SIN3A: variants seen among roughly 807,000 people sequenced by gnomAD.
SIN3A encodes the protein SIN3 transcription regulator family member A, also known as paired amphipathic helix protein Sin3a.
A neutral mutation model predicts 146.1 loss-of-function variants in SIN3A; 14 were observed. That is an observed-to-expected ratio of 0.10 (90% confidence interval 0.06 to 0.15). The LOEUF (loss-of-function observed/expected upper bound fraction) is 0.15. SIN3A is among the 10% of genes least tolerant of loss of function. The probability of loss-of-function intolerance (pLI) is 1.00; values close to 1 mark genes in which losing one functional copy is unlikely to be tolerated. For synonymous variants in SIN3A, 572 were observed against 572.0 expected (o/e 1.00, Z 0.00); for missense variants, 1,028 against 1,576.0 (o/e 0.65, Z 5.89).
chr15:75,421,892 A>G (rs2073844816), intron 3 of SIN3A: 1 of 152,234 alleles, frequency 6.6e-6, no homozygotes, highest in Non-Finnish European at 1.5e-5. Context: ...TGAATTTCAA[A>G]GCACTGAAAA....
chr15:75,420,811 A>C (rs2073829552), intron 3 of SIN3A: 1 of 152,234 alleles, frequency 6.6e-6, no homozygotes, highest in South Asian at 2.1e-4. Context: ...GAGGTACAAG[A>C]AGCATTTTAC....
intron 5 of SIN3A, among the ~76,000 whole-genome samples, chr15:75,412,288 T>C (rs904516671): frequency 1.3e-5 from 2 of 152,256 alleles, no homozygotes; most frequent in Non-Finnish European, 2.9e-5. Context: ...TAGTGGCTAC[T>C]GTGTCAGACA....
At chr15:75,453,566 C>G (rs1428568513), upstream of SIN3A, 6 of 152,430 alleles carry the variant, frequency 3.9e-5, no homozygotes, top group Admixed American at 3.9e-4. Flanking sequence ...AGGGTACCAC[C>G]TGCGCTAAGA....
intron 19 of SIN3A, chr15:75,376,154 A>C: frequency 2.1e-6 from 1 of 485,044 alleles, no homozygotes. Context: ...AAATTTACAC[A>C]TGTAATTACC....
chr15:75,412,275 G>C (rs1182429827), intron 5 of SIN3A, among the ~76,000 whole-genome samples: 1 of 152,220 alleles, frequency 6.6e-6, no homozygotes, highest in East Asian at 1.9e-4. Context: ...AGTCCTATGT[G>C]GCTAGTGGCT....
At chr15:75,402,631 T>G (rs1375150316) in intron 9 of SIN3A, among the ~76,000 whole-genome samples, 1 of 152,078 alleles carries the variant, frequency 6.6e-6, no homozygotes, top group African/African-American at 2.4e-5. Context: ...AATAAGGAGT[T>G]TTTTTGTTTT....
intron 1 of SIN3A, among the ~76,000 whole-genome samples, chr15:75,442,361 T>TG (rs1250153790): frequency 6.7e-6 from 1 of 149,482 alleles, no homozygotes; most frequent in Non-Finnish European, 1.5e-5. Flanking sequence ...AAAATAGAAA[T>TG]GGGGTCTCAC....
intron 15 of SIN3A, among the ~76,000 whole-genome samples, chr15:75,390,425 G>C (rs1436662527): frequency 6.6e-6 from 1 of 152,216 alleles, no homozygotes; most frequent in Non-Finnish European, 1.5e-5. Context: ...TAAATCATCT[G>C]TAGTTGCTGC....
intron 4 of SIN3A, 38 bp downstream of exon 4, chr15:75,414,167 C>A: frequency 9.5e-7 from 1 of 1,055,178 alleles, no homozygotes; most frequent in Non-Finnish European, 1.4e-6. Flanking sequence ...AATCAATATG[C>A]CAGATACAAA....
rs1401887911 is a variant in SIN3A at position 75,410,282 on chromosome 15, T to C, written c.1013A>G (p.Glu338Gly). 1 of 1,611,752 alleles carries C rather than the reference T, an allele frequency of 6.2e-7. No homozygotes were observed. The highest frequency in any genetic ancestry group is 8.5e-7 in the Non-Finnish European group (1 of 1,179,416). The change falls in exon 7 of 21, where the codon GAG becomes GGG. Residue 338 changes from glutamate to glycine, a missense_variant. Glu to Gly is a moderately conservative substitution (Grantham distance 98). This residue lies in a region of SIN3A where 14 missense variants were observed against 54.4 expected (regional missense o/e 0.26). Transcript: ENST00000394947. ...FLEILHTYQK[E>G]QRNAKEAGGN... Reference sequence around the variant, plus strand: ...TCCAGCTTCCTTGGCATTTCTCTGCTCTTTCTGAGGAATTGCAAATGAAAA... The same window carrying C: ...TCCAGCTTCCTTGGCATTTCTCTGCCCTTTCTGAGGAATTGCAAATGAAAA...
intron 6 of SIN3A, 22 bp from the exon 7 acceptor site, chr15:75,410,308 G>A: frequency 6.2e-7 from 1 of 1,608,844 alleles, no homozygotes; most frequent in Non-Finnish European, 8.5e-7. Context: ...CAAATGAAAA[G>A]AGATCATTTG....
At chr15:75,455,559 G>C (rs1333051354), upstream of SIN3A, 2 of 152,384 alleles carry the variant, frequency 1.3e-5, no homozygotes, top group East Asian at 3.9e-4. Context: ...CCACGGCTCC[G>C]GCCAGGCTGG....
At chr15:75,430,479 G>C in intron 1 of SIN3A, 71 bp from the exon 2 acceptor site, 1 of 1,186,414 alleles carries the variant, frequency 8.4e-7, no homozygotes, top group Non-Finnish European at 1.2e-6. Flanking sequence ...CTTAGGACCA[G>C]TCACCCAAGT....
chr15:75,409,106 C>T (rs902296930), intron 8 of SIN3A, among the ~76,000 whole-genome samples: 2 of 151,690 alleles, frequency 1.3e-5, no homozygotes, highest in Admixed American at 6.6e-5. Flanking sequence ...CAGGAGGCTG[C>T]GGCAGGATAA....
intron 1 of SIN3A, among the ~76,000 whole-genome samples, chr15:75,436,824 A>G (rs1439167231): frequency 6.6e-6 from 1 of 152,152 alleles, no homozygotes. Flanking sequence ...AAAAATAAGT[A>G]CTATAAATTG....
Position 75,375,659 on chromosome 15 carries a change from T to A in SIN3A, c.3591+6A>T. Reference sequence around the variant, plus strand: ...GTGTACAGAAATTTCAGTTACTGGTTCTCACCTGATGAGCCCGGAGCAGGG... The same window carrying A: ...GTGTACAGAAATTTCAGTTACTGGTACTCACCTGATGAGCCCGGAGCAGGG... On this transcript the variant is annotated splice_donor_region_variant and intron_variant, in intron 20 of 20. Coordinates refer to ENST00000394947, the MANE Select transcript of SIN3A (RefSeq NM_001145358.2). 6.2e-7 allele frequency: 1 copy of A among 1,612,970 alleles called. No homozygotes were observed. The highest frequency in any genetic ancestry group is 8.5e-7 in the Non-Finnish European group (1 of 1,178,902).
chr15:75,430,340 C>G lies in SIN3A; in HGVS notation c.36G>C (p.Val12=). The G allele has an allele frequency of 6.2e-7, 1 of 1,613,900 alleles. No homozygotes were observed. The highest frequency in any genetic ancestry group is 1.1e-5 in the South Asian group (1 of 91,064). The part of the protein sequence containing the change: ...KRRLDDQESP[V]YAAQQRRIPG... ...GGATCCGACGCTGCTGGGCTGCATA[C>G]ACCGGTGACTCCTGGTCATCCAAAC... Residue 12 remains valine, a synonymous_variant, in exon 2 of 21, where the codon GTG becomes GTC. Coordinates refer to ENST00000394947, the MANE Select transcript of SIN3A (RefSeq NM_001145358.2).
chr15:75,391,542 T>C lies in SIN3A; in HGVS notation c.2851+700A>G, dbSNP rs566589004. Among the ~76,000 whole-genome samples the C allele has an allele frequency of 6.0e-5, 9 of 150,724 alleles. 1 individual carries two copies. The South Asian group carries it at 1.9e-3, about 31-fold the overall frequency. On this transcript the variant is annotated intron_variant, in intron 15 of 20. Coordinates refer to ENST00000394947, the MANE Select transcript of SIN3A (RefSeq NM_001145358.2). Reference sequence around the variant, plus strand: ...AGAAGAAGAAGATACACTCCTCAGGTTGGCTATTTCCTTAAGAGCCCAGAA... The same window carrying C: ...AGAAGAAGAAGATACACTCCTCAGGCTGGCTATTTCCTTAAGAGCCCAGAA...
intron 12 of SIN3A, among the ~76,000 whole-genome samples, chr15:75,398,846 T>C (rs1567344823): frequency 6.6e-6 from 1 of 151,236 alleles, no homozygotes; most frequent in Admixed American, 6.6e-5. Context: ...ACTGTTTCTA[T>C]AAAAAACAAA....
Sources: gnomAD v4.1 joint callset for allele counts (sites outside exome capture counted in the v4.1 genomes callset) on GRCh38, gnomAD v4.1.1 for gene constraint, gnomAD v4.1.1 regional missense constraint, MANE v1.5 for transcripts, NCBI Gene and HGNC (gene_info 2026-07-23, HGNC 2026-07-21) for gene names.